CSMD1: variants seen among roughly 807,000 people sequenced by gnomAD.
CSMD1 encodes CUB and Sushi multiple domains 1.
In CSMD1, 213 loss-of-function variants were observed where a neutral mutation model predicts 417.5. That is an observed-to-expected ratio of 0.51 (90% CI 0.46 to 0.57). CSMD1 has a LOEUF of 0.57. Ranked by LOEUF, CSMD1 falls within the 20% of genes least tolerant of loss-of-function variation. The probability of loss-of-function intolerance (pLI) is 0.00; values close to 1 mark genes in which losing one functional copy is unlikely to be tolerated. For missense variants in CSMD1, 6,923 were observed against 4,529.7 expected (o/e 1.53, Z -15.17); for synonymous variants, 2,862 against 1,736.8 (o/e 1.65, Z -16.11).
intron 3 of CSMD1, among the ~76,000 whole-genome samples, chr8:4,245,610 T>C (rs920559598): frequency 6.6e-6 from 1 of 152,128 alleles, no homozygotes; most frequent in Non-Finnish European, 1.5e-5. Context: ...GTTCCTCTGG[T>C]CAACAATGTC....
chr8:3,243,090 T>G (rs533261544), intron 26 of CSMD1, among the ~76,000 whole-genome samples: 1 of 152,156 alleles, frequency 6.6e-6, no homozygotes. Context: ...AGGGAGAGAT[T>G]GAAGGGTGGC....
chr8:3,349,507 G>T (rs1280408000), intron 21 of CSMD1, among the ~76,000 whole-genome samples: 1 of 151,918 alleles, frequency 6.6e-6, no homozygotes, highest in African/African-American at 2.4e-5. Flanking sequence ...CTTAAATAAA[G>T]ACAGAAAAGC....
intron 7 of CSMD1, among the ~76,000 whole-genome samples, chr8:3,694,731 G>A (rs547542227): frequency 1.3e-5 from 2 of 151,978 alleles, no homozygotes; most frequent in Admixed American, 1.3e-4. Context: ...GGAAGCAGGT[G>A]CCATTCTGCT....
rs558874348 is a variant in CSMD1 at position 4,060,408 on chromosome 8, A to G, written c.416-28309T>C. 1.3e-3 allele frequency among the ~76,000 whole-genome samples: 198 copies of G among 151,942 alleles called. 2 individuals are homozygous for G. Among genetic ancestry groups the G allele is most frequent in the African/African-American group, 4.7e-3 (195 of 41,414 alleles). On this transcript the variant is annotated intron_variant, in intron 3 of 69. Transcript: ENST00000635120. ...CAAGACAGGGATGCCCTCTCTCACCACTCCTATTCAACATAGTGTTGGAAG... is the reference window on the plus strand; with the variant it reads ...CAAGACAGGGATGCCCTCTCTCACCGCTCCTATTCAACATAGTGTTGGAAG...
intron 6 of CSMD1, among the ~76,000 whole-genome samples, chr8:3,741,029 A>T (rs565078796): frequency 6.6e-6 from 1 of 152,120 alleles, no homozygotes; most frequent in South Asian, 2.1e-4. Context: ...AGCCTGGCCA[A>T]CATGGTCAAA....
intron 3 of CSMD1, among the ~76,000 whole-genome samples, chr8:4,166,012 C>CT (rs1797437042): frequency 6.6e-6 from 1 of 152,132 alleles, no homozygotes; most frequent in African/African-American, 2.4e-5. Flanking sequence ...CTGTACATCT[C>CT]TTTATATCCT....
chr8:3,365,476 G>A (rs1163199376), intron 20 of CSMD1, among the ~76,000 whole-genome samples: 1 of 152,202 alleles, frequency 6.6e-6, no homozygotes, highest in African/African-American at 2.4e-5. Flanking sequence ...GTTGACTCTT[G>A]AAAAATGTGG....
intron 6 of CSMD1, among the ~76,000 whole-genome samples, chr8:3,709,281 T>C (rs1585112140): frequency 6.6e-6 from 1 of 152,220 alleles, no homozygotes; most frequent in African/African-American, 2.4e-5. Context: ...GAAACATTTC[T>C]GAGGTCCCCA....
At chr8:4,328,151 A>C (rs980297711) in intron 3 of CSMD1, among the ~76,000 whole-genome samples, 8 of 152,156 alleles carry the variant, frequency 5.3e-5, no homozygotes, top group African/African-American at 1.9e-4. Context: ...CAAAGATGTT[A>C]AATGCCTCAT....
intron 26 of CSMD1, among the ~76,000 whole-genome samples, chr8:3,281,738 T>A (rs187646223): frequency 2.0e-4 from 30 of 152,296 alleles, no homozygotes; most frequent in African/African-American, 6.7e-4. Context: ...CTGTTGGTGA[T>A]GTTATTACTA....
At chr8:4,002,724 T>C (rs1245674897) in intron 4 of CSMD1, among the ~76,000 whole-genome samples, 1 of 152,182 alleles carries the variant, frequency 6.6e-6, no homozygotes, top group African/African-American at 2.4e-5. Context: ...TATGATTAAA[T>C]GTACATCATA....
In CSMD1 at chr8:4,193,938, G is replaced by A. The variant is rs967498857; in HGVS notation, c.416-161839C>T. Among the ~76,000 whole-genome samples, 4 of 151,810 alleles carry A rather than the reference G, an allele frequency of 2.6e-5. No homozygotes were observed. In the South Asian group the frequency reaches 6.3e-4, roughly 24 times the overall value. ...GAAAGTACAATGTTTAATGGTGGGA[G>A]GTGGGGCTGCAGGTAATTTATATTC... On this transcript the variant is annotated intron_variant, in intron 3 of 69. Transcript: ENST00000635120.
At chr8:4,431,865 T>A (rs1378353400) in intron 2 of CSMD1, among the ~76,000 whole-genome samples, 1 of 152,302 alleles carries the variant, frequency 6.6e-6, no homozygotes, top group East Asian at 1.9e-4. Context: ...CTTGGTGGAA[T>A]AAAATTTATT....
chr8:3,472,421 T>C (rs927063614), intron 11 of CSMD1, among the ~76,000 whole-genome samples: 1 of 152,152 alleles, frequency 6.6e-6, no homozygotes, highest in Non-Finnish European at 1.5e-5. Flanking sequence ...ACATGATTGG[T>C]ACTCTGCTAT....
intron 50 of CSMD1, chr8:3,043,756 G>T (rs575553900): frequency 6.6e-6 from 1 of 152,038 alleles, no homozygotes; most frequent in African/African-American, 2.4e-5. Flanking sequence ...CCAACACCTT[G>T]GACAAAACCG....
chr8:4,076,561 G>C (rs956490108), intron 3 of CSMD1, among the ~76,000 whole-genome samples: 4 of 152,158 alleles, frequency 2.6e-5, no homozygotes, highest in Non-Finnish European at 4.4e-5. Flanking sequence ...ATAGCTAAAA[G>C]AAAATGAAAT....
chr8:3,334,313 G>C (rs1338662547), intron 23 of CSMD1, among the ~76,000 whole-genome samples: 1 of 152,184 alleles, frequency 6.6e-6, no homozygotes, highest in East Asian at 1.9e-4. Flanking sequence ...TTCAGCAGCT[G>C]TGTACACTTC....
chr8:4,145,579 C>T (rs545276611), intron 3 of CSMD1, among the ~76,000 whole-genome samples: 2 of 150,970 alleles, frequency 1.3e-5, no homozygotes, highest in East Asian at 1.9e-4. Context: ...TGTGGAGAGA[C>T]GGTCTCACCA....
intron 3 of CSMD1, among the ~76,000 whole-genome samples, chr8:4,290,654 A>C (rs971122881): frequency 6.6e-6 from 1 of 152,216 alleles, no homozygotes; most frequent in Non-Finnish European, 1.5e-5. Flanking sequence ...GTATATTCAT[A>C]ATTATGATCC....
Sources: allele counts gnomAD v4.1 joint callset (sites outside exome capture counted in the v4.1 genomes callset), GRCh38; gene constraint gnomAD v4.1.1; transcripts MANE v1.5; gene names NCBI Gene and HGNC (gene_info 2026-07-23, HGNC 2026-07-21).